ZNF354A: variants seen among roughly 807,000 people sequenced by gnomAD.
ZNF354A encodes epididymis luminal protein 104.
In ZNF354A, 25 loss-of-function variants were observed where a neutral mutation model predicts 53.3. That is an observed-to-expected ratio of 0.47 (90% CI 0.34 to 0.66). The LOEUF is 0.66. Ranked by LOEUF, ZNF354A falls within the 30% of genes least tolerant of loss-of-function variation. The probability of loss-of-function intolerance (pLI) is 0.01; values close to 1 mark genes in which losing one functional copy is unlikely to be tolerated. For synonymous variants in ZNF354A, 228 were observed against 249.0 expected (o/e 0.92, Z 0.79); for missense variants, 586 against 716.8 (o/e 0.82, Z 2.08).
chr5:178,729,556 C>A (rs889406200), intron 1 of ZNF354A, among the ~76,000 whole-genome samples: 1 of 146,592 alleles, frequency 6.8e-6, no homozygotes, highest in Admixed American at 6.7e-5. Flanking sequence ...CGGAAAACGG[C>A]TTTTTTTTTT....
chr5:178,727,049 T>C lies in ZNF354A; in HGVS notation c.110A>G (p.Asn37Ser). 1 of 1,611,654 alleles carries C rather than the reference T, an allele frequency of 6.2e-7. No homozygotes were observed. Among genetic ancestry groups the C allele is most frequent in the East Asian group, 2.2e-5 (1 of 44,660 alleles). The change falls in exon 3 of 5, where the codon AAC (asparagine) becomes AGC (serine). Residue 37 changes from asparagine to serine, a missense_variant. Coordinates refer to ENST00000335815, the MANE Select transcript of ZNF354A (RefSeq NM_005649.3). ...CTCCAGCATCACATCCCGGTACAAG[T>C]TTCTCTGAGAAGGGGCCAGCTTTCT... ...EWRKLAPSQR[N>S]LYRDVMLENY...
chr5:178,730,600 G>A lies in ZNF354A; in HGVS notation c.-96C>T, dbSNP rs982275943. 1.3e-5 allele frequency: 2 copies of A among 151,910 alleles called. No individual in the cohort carries two copies. The highest frequency in any genetic ancestry group is 4.8e-5 in the African/African-American group (2 of 41,414). 9.4% of individuals were successfully genotyped at this position (151,910 alleles called of 1,614,324 possible). A position where few individuals can be genotyped will look rare whatever the true frequency, so the allele number is the denominator to read the frequency against. On this transcript the variant is annotated 5_prime_UTR_variant, in exon 1 of 5. Transcript: ENST00000335815. ...CCGGGCCGCGCCTCCCCAGCCGCGA[G>A]GCTCCGGAACCGCCGGCCGGGATGC...
Position 178,716,285 on chromosome 5 carries a change from A to T in ZNF354A, c.257-2664T>A, listed in dbSNP as rs577589679. Among the ~76,000 whole-genome samples, 5 of 152,276 alleles carry T rather than the reference A, an allele frequency of 3.3e-5. No homozygotes were observed. The South Asian group carries it at 1.0e-3, about 32-fold the overall frequency. ...AATGATTCACATCTGAAGTCTCTTA[A>T]GAGTCTTGAAGACTCTTAGGCGTCC... On this transcript the variant is annotated intron_variant, in intron 4 of 4. Transcript: ENST00000335815.
chr5:178,726,156 T>C (rs1561621484), intron 3 of ZNF354A: 1 of 455,388 alleles, frequency 2.2e-6, no homozygotes, highest in Non-Finnish European at 4.4e-6. Context: ...TGACTCCCTT[T>C]TAAGGATGGC....
At chr5:178,726,503 C>T (rs552814313) in intron 3 of ZNF354A, among the ~76,000 whole-genome samples, 4 of 150,976 alleles carry the variant, frequency 2.6e-5, no homozygotes, top group Non-Finnish European at 4.4e-5. Flanking sequence ...GCTTTCACCA[C>T]GTTAGCCAGA....
chr5:178,718,282 T>A lies in ZNF354A; in HGVS notation c.257-4661A>T, dbSNP rs550282685. Among the ~76,000 whole-genome samples the A allele has an allele frequency of 2.0e-5, 3 of 152,320 alleles. No individual in the cohort carries two copies. The South Asian group carries it at 6.2e-4, about 32-fold the overall frequency. ...GTGCAGTTCAACCTTTGCTTCCTCCTAGAATCAAGCCCAGTCCTCAGCTAC... is the reference window on the plus strand; with the variant it reads ...GTGCAGTTCAACCTTTGCTTCCTCCAAGAATCAAGCCCAGTCCTCAGCTAC... On this transcript the variant is annotated intron_variant, in intron 4 of 4. Transcript: ENST00000335815.
At chr5:178,727,584 CTA>C (rs1299920886) in intron 2 of ZNF354A, among the ~76,000 whole-genome samples, 1 of 152,172 alleles carries the variant, frequency 6.6e-6, no homozygotes, top group Non-Finnish European at 1.5e-5. Flanking sequence ...AAGGTACTCT[CTA>C]TGTGCTTACT....
Position 178,712,011 on chromosome 5 carries a change from T to C in ZNF354A, c.*49A>G, listed in dbSNP as rs750117313. On this transcript the variant is annotated 3_prime_UTR_variant, in exon 5 of 5. Transcript: ENST00000335815. Reference sequence around the variant, plus strand: ...TTATTACATCTCTCTCAAGGATGTATTCTTCGATGAGCTTTGGTTTAAGGC... The same window carrying C: ...TTATTACATCTCTCTCAAGGATGTACTCTTCGATGAGCTTTGGTTTAAGGC... 10 of 1,520,868 alleles carry C rather than the reference T, an allele frequency of 6.6e-6. No homozygotes were observed. Among genetic ancestry groups the C allele is most frequent in the Non-Finnish European group, 8.8e-6 (10 of 1,138,450 alleles). The allele number at this position is 1,520,868 out of a possible 1,614,324, so 94.2% of individuals were successfully genotyped here.
At position 178,713,483 on chromosome 5, in the gene ZNF354A, A is replaced by C; in HGVS notation, c.395T>G (p.Leu132Ter). Residue 132 changes from leucine to a stop codon, truncating the protein, a stop_gained, in exon 5 of 5, where the codon TTA becomes TGA. Transcript: ENST00000335815. LOFTEE classifies it high-confidence loss of function. ...TCCCTTTTTATCCTGCTTTTTCTCT[A>C]ATCTGCCTTCATATATGTAAGGCTT... ...LEKPYIYEGRLEKKQDKKGSF... is the reference protein window; with the variant it reads ...LEKPYIYEGR The C allele has an allele frequency of 6.2e-7, 1 of 1,613,696 alleles. No homozygotes were observed. Among genetic ancestry groups the C allele is most frequent in the Non-Finnish European group, 8.5e-7 (1 of 1,179,948 alleles).
chr5:178,718,701 A>AT lies in ZNF354A; in HGVS notation c.257-5081dup, dbSNP rs373116849. Among the ~76,000 whole-genome samples, 271 of 152,188 alleles carry AT rather than the reference A, an allele frequency of 1.8e-3. 2 individuals are homozygous for AT. Among genetic ancestry groups the AT allele is most frequent in the African/African-American group, 6.0e-3 (248 of 41,524 alleles). The stretch of plus-strand genomic sequence containing the variant: ...CGTAAATTCTTAGTTTTATCTTAGA[A>AT]TTTCTCTTCCCTAGGCAGTCATCAA... On this transcript the variant is annotated intron_variant, in intron 4 of 4. Transcript: ENST00000335815.
chr5:178,729,617 G>A (rs1274493497), intron 1 of ZNF354A, among the ~76,000 whole-genome samples: 2 of 151,748 alleles, frequency 1.3e-5, no homozygotes, highest in Admixed American at 6.6e-5. Flanking sequence ...GTAGCGCAGT[G>A]GCAGGATCTC....
At chr5:178,726,758 G>A (rs1313542483) in intron 3 of ZNF354A, among the ~76,000 whole-genome samples, 1 of 152,200 alleles carries the variant, frequency 6.6e-6, no homozygotes, top group African/African-American at 2.4e-5. Flanking sequence ...AACTTGGAGT[G>A]TGTGATTACA....
In ZNF354A at chr5:178,727,081, A is replaced by G; in HGVS notation, c.78T>C (p.Asp26=). ...FEDVAVLFTR[D]EWRKLAPSQR... Reference sequence around the variant, plus strand: ...GAGAAGGGGCCAGCTTTCTCCACTCATCTCGGGTAAACAGCACAGCCACAT... The same window carrying G: ...GAGAAGGGGCCAGCTTTCTCCACTCGTCTCGGGTAAACAGCACAGCCACAT... The change falls in exon 3 of 5, where the codon GAT becomes GAC. Residue 26 remains aspartate, a synonymous_variant. Coordinates refer to ENST00000335815, the MANE Select transcript of ZNF354A (RefSeq NM_005649.3). 1 of 1,614,098 alleles carries G rather than the reference A, an allele frequency of 6.2e-7. No individual in the cohort carries two copies.
chr5:178,723,967 T>G (rs1280756736), intron 4 of ZNF354A, among the ~76,000 whole-genome samples: 1 of 151,938 alleles, frequency 6.6e-6, no homozygotes, highest in African/African-American at 2.4e-5. Context: ...GCTCCAAGCT[T>G]CTAATGCCCA....
At chr5:178,723,938 T>A (rs1447713730) in intron 4 of ZNF354A, among the ~76,000 whole-genome samples, 1 of 152,082 alleles carries the variant, frequency 6.6e-6, no homozygotes, top group African/African-American at 2.4e-5. Flanking sequence ...GGCCTCCACT[T>A]GGCCCCCTCA....
chr5:178,716,924 C>T (rs936243529), intron 4 of ZNF354A, among the ~76,000 whole-genome samples: 8 of 151,620 alleles, frequency 5.3e-5, no homozygotes, highest in Non-Finnish European at 1.0e-4. Flanking sequence ...ACTAAAAATA[C>T]AAAAATCAGC....
In ZNF354A at chr5:178,713,276, T is replaced by G; in HGVS notation, c.602A>C (p.Gln201Pro). ...TGTAATTTTTGGTTGATTAAGTAAT[T>G]GTGAATTCTGTTTGAGGCTGTTTCC... ...IQGNSLKQNS[Q>P]LLNQPKITAD... The change falls in exon 5 of 5, where the codon CAA (glutamine) becomes CCA (proline). Residue 201 changes from glutamine to proline, a missense_variant. Around this residue, in one of 2 missense-constraint regions of ZNF354A, gnomAD observed 573 missense variants for 680.1 expected, o/e 0.84. Coordinates refer to ENST00000335815, the MANE Select transcript of ZNF354A (RefSeq NM_005649.3). The G allele has an allele frequency of 6.2e-7, 1 of 1,614,198 alleles. No homozygotes were observed. Among genetic ancestry groups the G allele is most frequent in the East Asian group, 2.2e-5 (1 of 44,868 alleles).
rs369817273 is a variant in ZNF354A, at chr5:178,721,285, C to T, written c.256+4091G>A. On this transcript the variant is annotated intron_variant, in intron 4 of 4. Transcript: ENST00000335815. ...AATCTAGATGGTATAGGCTACTACA[C>T]ACCTAGGCTATACCCCTATACAGCA... Among the ~76,000 whole-genome samples the T allele has an allele frequency of 2.0e-4, 30 of 152,186 alleles. No homozygotes were observed. In the East Asian group the frequency reaches 2.7e-3, roughly 14 times the overall value.
At chr5:178,727,331 G>GT (rs1765930624) in intron 2 of ZNF354A, among the ~76,000 whole-genome samples, 1 of 152,234 alleles carries the variant, frequency 6.6e-6, no homozygotes, top group Non-Finnish European at 1.5e-5. Flanking sequence ...TGCAGCCACT[G>GT]TAAGAGATGG....
Sources: gnomAD v4.1 joint callset for allele counts (sites outside exome capture counted in the v4.1 genomes callset) on GRCh38, gnomAD v4.1.1 for gene constraint, gnomAD v4.1.1 regional missense constraint, MANE v1.5 for transcripts, NCBI Gene and HGNC (gene_info 2026-07-23, HGNC 2026-07-21) for gene names.